Variants in NTMT1 observed in about 807,000 individuals in gnomAD.
NTMT1 encodes the protein N-terminal Xaa-Pro-Lys N-methyltransferase 1, also known as N-terminal RCC1 methyltransferase.
In NTMT1, 8 loss-of-function variants were observed where a neutral mutation model predicts 17.5. The observed-to-expected ratio is 0.46, with a 90% CI of 0.27 to 0.82. The LOEUF (loss-of-function observed/expected upper bound fraction) is 0.82, where lower values mean the gene tolerates loss of function less well. NTMT1 is among the 40% of genes least tolerant of loss of function. The pLI, the probability that NTMT1 is intolerant of heterozygous loss-of-function variation, is 0.15. For missense variants in NTMT1, 221 were observed against 303.5 expected (o/e 0.73, Z 2.02); for synonymous variants, 128 against 126.8 (o/e 1.01, Z -0.06).
At chr9:129,627,815 G>A (rs1830969328) in intron 1 of NTMT1, among the ~76,000 whole-genome samples, 2 of 152,246 alleles carry the variant, frequency 1.3e-5, no homozygotes, top group South Asian at 2.1e-4. Context: ...GCTGCTAGAG[G>A]GTGGAGGTAA....
chr9:129,619,603 C>T, intron 1 of NTMT1: 2 of 1,614,062 alleles, frequency 1.2e-6, no homozygotes, highest in South Asian at 1.1e-5. Flanking sequence ...GCGAAATCTT[C>T]GTAAGACTAT....
At chr9:129,632,593 T>C in intron 1 of NTMT1, 57 bp from the exon 2 acceptor site, 2 of 1,309,530 alleles carry the variant, frequency 1.5e-6, no homozygotes, top group South Asian at 1.4e-5. Flanking sequence ...CCCTCTGCCC[T>C]GGGGGCCTTT....
intron 1 of NTMT1, chr9:129,619,689 G>A: frequency 6.2e-7 from 1 of 1,612,206 alleles, no homozygotes; most frequent in South Asian, 1.1e-5. Flanking sequence ...GTCCCGCCCT[G>A]GAAACATCGA....
intron 1 of NTMT1, among the ~76,000 whole-genome samples, chr9:129,619,089 T>C (rs1830541219): frequency 6.6e-6 from 1 of 151,906 alleles, no homozygotes; most frequent in Non-Finnish European, 1.5e-5. Flanking sequence ...GGACACCTGA[T>C]TCATGGGTGG....
chr9:129,613,045 G>C lies in NTMT1; in HGVS notation c.-55+3867G>C. 1 of 1,601,380 alleles carries C rather than the reference G, an allele frequency of 6.2e-7. No individual in the cohort carries two copies. The highest frequency in any genetic ancestry group is 1.1e-5 in the South Asian group (1 of 89,706). ...CACTCCACCAAACAGGGCTGCTCCC[G>C]GAGCCAGCTGCCAGCAGGGGCTCAC... On this transcript the variant is annotated intron_variant, in intron 1 of 3. Transcript: ENST00000372486. The surrounding 1 kb of genome is among the most constrained non-coding windows in gnomAD (Gnocchi z 6.2).
rs1041034371 is a variant in NTMT1 at position 129,620,077 on chromosome 9, C to G, written c.-55+10899C>G. The G allele has an allele frequency of 6.2e-6, 9 of 1,450,882 alleles. No individual in the cohort carries two copies. Among genetic ancestry groups the G allele is most frequent in the Non-Finnish European group, 8.2e-6 (9 of 1,099,490 alleles). The allele number at this position is 1,450,882 out of a possible 1,614,324, so 89.9% of individuals were successfully genotyped here. A position where few individuals can be genotyped will look rare whatever the true frequency, so the allele number is the denominator to read the frequency against. ...CCCGCGGGGCCTCACTCAGTGGCTC[C>G]GGCTCCTCGGCGCACTTCTCCTGGA... On this transcript the variant is annotated intron_variant, in intron 1 of 3. Transcript: ENST00000372486. This position sits in a 1 kb window ranked among gnomAD's most constrained non-coding sequence, Gnocchi z 5.8.
chr9:129,620,208 C>T lies in NTMT1; in HGVS notation c.-55+11030C>T, dbSNP rs1243073335. 1.4e-6 allele frequency: 2 copies of T among 1,399,604 alleles called. No homozygotes were observed. Among genetic ancestry groups the T allele is most frequent in the South Asian group, 1.6e-5 (1 of 60,660 alleles). 86.7% of individuals were successfully genotyped at this position (1,399,604 alleles called of 1,614,324 possible). A position where few individuals can be genotyped will look rare whatever the true frequency, so the allele number is the denominator to read the frequency against. ...ACGCGCCTCCGGGGGCGCTCGCGCT[C>T]TCCAGGCCCTGGCTGCCTGGGCGCC... On this transcript the variant is annotated intron_variant, in intron 1 of 3. Transcript: ENST00000372486. This position sits in a 1 kb window ranked among gnomAD's most constrained non-coding sequence, Gnocchi z 5.8.
chr9:129,624,424 G>T (rs1830833695), upstream of NTMT1, among the ~76,000 whole-genome samples: 1 of 152,162 alleles, frequency 6.6e-6, no homozygotes, highest in African/African-American at 2.4e-5. Context: ...TTGGGAGAGG[G>T]GCTCAGACCA....
chr9:129,610,249 G>T (rs1189060969), intron 1 of NTMT1, among the ~76,000 whole-genome samples: 2 of 126,862 alleles, frequency 1.6e-5, no homozygotes, highest in Non-Finnish European at 3.4e-5. Flanking sequence ...GGGAAAGGGG[G>T]GAAGGGGAGG....
chr9:129,620,235 A>G lies in NTMT1; in HGVS notation c.-55+11057A>G. The stretch of plus-strand genomic sequence containing the variant: ...CCAGGCCCTGGCTGCCTGGGCGCCG[A>G]TTCCCGGGACGCGCCGGCCGACAGC... On this transcript the variant is annotated intron_variant, in intron 1 of 3. Transcript: ENST00000372486. This position sits in a 1 kb window ranked among gnomAD's most constrained non-coding sequence, Gnocchi z 5.8. The G allele has an allele frequency of 1.5e-6, 2 of 1,343,212 alleles. No homozygotes were observed. The highest frequency in any genetic ancestry group is 1.9e-6 in the Non-Finnish European group (2 of 1,040,978). The allele number at this position is 1,343,212 out of a possible 1,614,324, so 83.2% of individuals were successfully genotyped here.
At chr9:129,612,648 C>T (rs1214642529) in intron 1 of NTMT1, among the ~76,000 whole-genome samples, 2 of 152,210 alleles carry the variant, frequency 1.3e-5, no homozygotes, top group Non-Finnish European at 2.9e-5. Context: ...GAGGCCAAGG[C>T]GGACAGATCA....
upstream of NTMT1, among the ~76,000 whole-genome samples, chr9:129,623,823 C>CTTTTTTTTT (rs746654555): frequency 1.9e-5 from 2 of 107,828 alleles, 1 homozygote; most frequent in Admixed American, 2.2e-4. Flanking sequence ...TTTTTCTTTT[C>CTTTTTTTTT]TTTTCTTTTT....
At chr9:129,630,368 G>A (rs934978979) in intron 1 of NTMT1, among the ~76,000 whole-genome samples, 5 of 152,128 alleles carry the variant, frequency 3.3e-5, no homozygotes, top group African/African-American at 9.7e-5. Flanking sequence ...AGCTACCCTG[G>A]AGGCTGAGAT....
rs927951034 is a variant in NTMT1, at chr9:129,614,202, C to G, written c.-55+5024C>G. On this transcript the variant is annotated intron_variant, in intron 1 of 3. Coordinates refer to the NTMT1 transcript ENST00000372486. This position sits in a 1 kb window ranked among gnomAD's most constrained non-coding sequence, Gnocchi z 4.4. ...TGGCCTTGGATTCCCAAGAGGGGCCCGGGGTCACTCTGGCTTCTATATGTG... is the reference window on the plus strand; with the variant it reads ...TGGCCTTGGATTCCCAAGAGGGGCCGGGGGTCACTCTGGCTTCTATATGTG... 5.3e-5 allele frequency among the ~76,000 whole-genome samples: 8 copies of G among 152,196 alleles called. No homozygotes were observed. The highest frequency in any genetic ancestry group is 2.0e-4 in the Admixed American group (3 of 15,280).
At chr9:129,617,601 T>C (rs182773080) in intron 1 of NTMT1, among the ~76,000 whole-genome samples, 92 of 152,374 alleles carry the variant, frequency 6.0e-4, no homozygotes, top group African/African-American at 2.2e-3. Flanking sequence ...TTTTATTTAT[T>C]TGTATCTTGT....
In NTMT1 at chr9:129,635,639, C is replaced by T. The variant is rs1273890923; in HGVS notation, c.*175C>T. 20 of 785,856 alleles carry T rather than the reference C, an allele frequency of 2.5e-5. No homozygotes were observed. Among genetic ancestry groups the T allele is most frequent in the South Asian group, 1.0e-4 (6 of 57,234 alleles). The allele number at this position is 785,856 out of a possible 1,614,324, so 48.7% of individuals were successfully genotyped here. ...CTTCAAAAGGCAAGGTGGGACCCGG[C>T]GGGGAGGGTGCTGCTGAACCAGCGG... On this transcript the variant is annotated 3_prime_UTR_variant, in exon 4 of 4. Coordinates refer to ENST00000372483, the MANE Select transcript of NTMT1 (RefSeq NM_014064.4).
At chr9:129,617,780 C>G (rs577776121) in intron 1 of NTMT1, among the ~76,000 whole-genome samples, 43 of 152,216 alleles carry the variant, frequency 2.8e-4, no homozygotes, top group African/African-American at 9.9e-4. Context: ...ACCTCCCAGG[C>G]TCAAGCAATC....
In NTMT1 at chr9:129,634,889, C is replaced by T. The variant is rs1353929359; in HGVS notation, c.416-319C>T. On this transcript the variant is annotated intron_variant, in intron 3 of 3. Coordinates refer to ENST00000372483, the MANE Select transcript of NTMT1 (RefSeq NM_014064.4). ...AGCTCCTGCAATGCCAAACTCTTAGCCCAGGTTCACTCCTCCGATCCAAGC... is the reference window on the plus strand; with the variant it reads ...AGCTCCTGCAATGCCAAACTCTTAGTCCAGGTTCACTCCTCCGATCCAAGC... 8 of 356,012 alleles carry T rather than the reference C, an allele frequency of 2.2e-5. No homozygotes were observed. The Admixed American group carries it at 3.5e-4, about 16-fold the overall frequency. 22.1% of individuals were successfully genotyped at this position (356,012 alleles called of 1,614,324 possible). A position where few individuals can be genotyped will look rare whatever the true frequency, so the allele number is the denominator to read the frequency against.
Position 129,613,193 on chromosome 9 carries a change from G to A in NTMT1, c.-55+4015G>A. ...GCGGCCTTCTTCCATGAACAGAAGGGCAGGCTGCTGTTCATGGAGGTGTCC... is the reference window on the plus strand; with the variant it reads ...GCGGCCTTCTTCCATGAACAGAAGGACAGGCTGCTGTTCATGGAGGTGTCC... On this transcript the variant is annotated intron_variant, in intron 1 of 3. Transcript: ENST00000372486. The surrounding 1 kb of genome is among the most constrained non-coding windows in gnomAD (Gnocchi z 6.2). 3.1e-6 allele frequency: 5 copies of A among 1,613,616 alleles called. No homozygotes were observed. Among genetic ancestry groups the A allele is most frequent in the Non-Finnish European group, 3.4e-6 (4 of 1,179,978 alleles).
Sources: allele counts gnomAD v4.1 joint callset (sites outside exome capture counted in the v4.1 genomes callset), GRCh38; gene constraint gnomAD v4.1.1; non-coding constraint Gnocchi (gnomAD v3.1); transcripts MANE v1.5; gene names NCBI Gene and HGNC (gene_info 2026-07-23, HGNC 2026-07-21).